KALRN: variants seen among roughly 807,000 people sequenced by gnomAD.
KALRN encodes kalirin RhoGEF kinase.
Under a neutral mutation model 353.7 loss-of-function variants are expected in KALRN, and 70 were observed. The ratio of observed to expected loss-of-function variants is 0.20; its 90% CI spans 0.16 to 0.24. KALRN has a LOEUF of 0.24. Ranked by LOEUF, KALRN falls within the 10% of genes least tolerant of loss-of-function variation. The pLI, the probability that KALRN is intolerant of heterozygous loss-of-function variation, is 1.00. For synonymous variants in KALRN, 1,391 were observed against 1,434.8 expected (o/e 0.97, Z 0.69); for missense variants, 2,791 against 3,756.7 (o/e 0.74, Z 6.72).
At chr3:124,204,484 T>C (rs1393536544) in intron 1 of KALRN, among the ~76,000 whole-genome samples, 5 of 152,256 alleles carry the variant, frequency 3.3e-5, no homozygotes, top group African/African-American at 1.2e-4. Context: ...GCAGGCTTAC[T>C]GCCTGTAACC....
At chr3:124,080,573 G>A (rs1010648259) in intron 1 of KALRN, among the ~76,000 whole-genome samples, 9 of 152,294 alleles carry the variant, frequency 5.9e-5, no homozygotes, top group Middle Eastern at 3.4e-3. Context: ...TCTGCATAGT[G>A]TATTTCACAG....
intron 23 of KALRN, among the ~76,000 whole-genome samples, chr3:124,461,074 A>T (rs747773062): frequency 6.6e-6 from 1 of 152,258 alleles, no homozygotes; most frequent in Non-Finnish European, 1.5e-5. Context: ...GTCAGCAAAC[A>T]TAGACCAAAT....
In KALRN at chr3:124,398,323, T is replaced by C. The variant is rs144198411; in HGVS notation, c.2172-374T>C. On this transcript the variant is annotated intron_variant, in intron 12 of 59. Coordinates refer to ENST00000682506, the MANE Select transcript of KALRN (RefSeq NM_001388419.1). ...ACGTATTGTGATAGATTTATGTGTGTGTGTGTTGGAACTATACATATTAGA... is the reference window on the plus strand; with the variant it reads ...ACGTATTGTGATAGATTTATGTGTGCGTGTGTTGGAACTATACATATTAGA... Among the ~76,000 whole-genome samples, 308 of 152,348 alleles carry C rather than the reference T, an allele frequency of 2.0e-3. 3 individuals are homozygous for C. The highest frequency in any genetic ancestry group is 6.8e-3 in the African/African-American group (281 of 41,584).
At chr3:124,601,674 T>C (rs1448635394) in intron 34 of KALRN, among the ~76,000 whole-genome samples, 1 of 151,934 alleles carries the variant, frequency 6.6e-6, no homozygotes, top group Admixed American at 6.6e-5. Context: ...CTTGGATGTA[T>C]TCCTTTAGTT....
At chr3:124,072,591 A>T (rs2060070410) in intron 1 of KALRN, among the ~76,000 whole-genome samples, 1 of 152,094 alleles carries the variant, frequency 6.6e-6, no homozygotes, top group African/African-American at 2.4e-5. Context: ...AATAATAGAA[A>T]TGAAGCTGCC....
rs756439830 is a variant in KALRN at position 124,456,666 on chromosome 3, C to A, written c.3792C>A (p.Val1264=). The stretch of plus-strand genomic sequence containing the variant: ...CAGCAAGCCTTTCGGATCGGGAGGT[C>A]AAGCTGCGGGACGCCAACCACGAAG... ...IIPASLSDRE[V]KLRDANHEVN... is the part of the protein sequence containing the mutation. Residue 1264 remains valine (V), a synonymous_variant, in exon 23 of 60, where the codon GTC becomes GTA. Transcript: ENST00000682506. 14 of 1,613,490 alleles carry A rather than the reference C, an allele frequency of 8.7e-6. No homozygotes were observed. The highest frequency in any genetic ancestry group is 1.2e-5 in the Non-Finnish European group (14 of 1,179,632).
chr3:124,351,578 A>T (rs1054657283), intron 10 of KALRN, among the ~76,000 whole-genome samples: 8 of 152,168 alleles, frequency 5.3e-5, no homozygotes, highest in Non-Finnish European at 1.2e-4. Context: ...CAACAGAGGG[A>T]ATGGCTACCC....
At chr3:124,303,246 G>A (rs1218876564) in intron 6 of KALRN, among the ~76,000 whole-genome samples, 1 of 152,132 alleles carries the variant, frequency 6.6e-6, no homozygotes, top group Non-Finnish European at 1.5e-5. Flanking sequence ...ATCATAACAT[G>A]TGTTTTTGAA....
At chr3:124,352,865 G>T (rs983601427) in intron 10 of KALRN, among the ~76,000 whole-genome samples, 3 of 152,130 alleles carry the variant, frequency 2.0e-5, no homozygotes, top group Non-Finnish European at 4.4e-5. Context: ...GGCCTGTTGT[G>T]GGGTAGGGGG....
intron 15 of KALRN, among the ~76,000 whole-genome samples, chr3:124,428,493 G>A (rs2093127961): frequency 6.6e-6 from 1 of 152,128 alleles, no homozygotes; most frequent in African/African-American, 2.4e-5. Context: ...GATTTTGCCA[G>A]GTAAGTAAAA....
chr3:124,226,249 A>C (rs990218351), intron 1 of KALRN, among the ~76,000 whole-genome samples: 3 of 152,186 alleles, frequency 2.0e-5, no homozygotes, highest in African/African-American at 7.2e-5. Flanking sequence ...TTCTGTAATA[A>C]TTTATATTGA....
At chr3:124,313,768 A>G (rs2078522274) in intron 6 of KALRN, among the ~76,000 whole-genome samples, 1 of 152,236 alleles carries the variant, frequency 6.6e-6, no homozygotes, top group Non-Finnish European at 1.5e-5. Flanking sequence ...TACCAGGCTG[A>G]GAACCAAGTT....
intron 16 of KALRN, among the ~76,000 whole-genome samples, chr3:124,432,665 A>G (rs987022935): frequency 2.0e-5 from 3 of 152,222 alleles, no homozygotes; most frequent in African/African-American, 7.2e-5. Flanking sequence ...TTGAGGAAGC[A>G]TGGGTAAATG....
intron 1 of KALRN, among the ~76,000 whole-genome samples, chr3:124,227,663 GTTTTTTTTTTTTTTTTTTTTTTTTT>G (rs747087120): frequency 2.6e-4 from 18 of 69,264 alleles, no homozygotes; most frequent in South Asian, 6.3e-4. Context: ...CAACAGGGCT[GTTTTTTTTTTTTTTTTTTTTTTTTT>G]TTTTTTTTTT....
At chr3:124,298,640 C>T in intron 5 of KALRN, 151 bp from the exon 6 acceptor site, 1 of 859,144 alleles carries the variant, frequency 1.2e-6, no homozygotes, top group Non-Finnish European at 1.9e-6. Context: ...AGGCTGTGGC[C>T]CACCCCATTA....
intron 33 of KALRN, among the ~76,000 whole-genome samples, chr3:124,522,755 T>G (rs781013820): frequency 6.6e-6 from 1 of 152,216 alleles, no homozygotes; most frequent in Admixed American, 6.5e-5. Context: ...ATTAAGCTGT[T>G]ATAGCTAGGA....
At chr3:124,286,134 TCTTTC>T (rs773512135) in intron 5 of KALRN, among the ~76,000 whole-genome samples, 12 of 134,202 alleles carry the variant, frequency 8.9e-5, no homozygotes, top group East Asian at 6.5e-4. Flanking sequence ...TTTCTTTCTT[TCTTTC>T]CTTTCTTTCT....
chr3:124,430,587 G>A, intron 15 of KALRN, 69 bp from the exon 16 acceptor site: 1 of 1,581,206 alleles, frequency 6.3e-7, no homozygotes, highest in Non-Finnish European at 8.6e-7. Flanking sequence ...AAGTCCCCAT[G>A]AGAGGAGGCA....
chr3:124,720,124 T>C lies in KALRN; in HGVS notation c.*654T>C, dbSNP rs1313273143. The C allele has an allele frequency of 6.6e-6, 1 of 152,664 alleles. No homozygotes were observed. The highest frequency in any genetic ancestry group is 1.5e-5 in the Non-Finnish European group (1 of 68,044). 9.5% of individuals were successfully genotyped at this position (152,664 alleles called of 1,614,324 possible). On this transcript the variant is annotated 3_prime_UTR_variant, in exon 60 of 60. Coordinates refer to ENST00000682506, the MANE Select transcript of KALRN (RefSeq NM_001388419.1). ...TTTTTAGAGCATTTTATAGATCTTGTATAGAAATCTTTTACCAGAACCTGT... is the reference window on the plus strand; with the variant it reads ...TTTTTAGAGCATTTTATAGATCTTGCATAGAAATCTTTTACCAGAACCTGT...
Sources: allele counts gnomAD v4.1 joint callset (sites outside exome capture counted in the v4.1 genomes callset), GRCh38; gene constraint gnomAD v4.1.1; transcripts MANE v1.5; gene names NCBI Gene and HGNC (gene_info 2026-07-23, HGNC 2026-07-21).